Variants in FHIP2A observed in about 807,000 individuals in gnomAD.
The protein encoded by FHIP2A is FHF complex subunit HOOK interacting protein 2A.
FHIP2A carries 46 observed loss-of-function variants against 93.5 expected under a neutral mutation model. The ratio of observed to expected loss-of-function variants is 0.49; its 90% CI spans 0.39 to 0.63. The LOEUF (loss-of-function observed/expected upper bound fraction) is 0.63. Ranked by LOEUF, FHIP2A falls within the 20% of genes least tolerant of loss-of-function variation. The probability of loss-of-function intolerance (pLI) is 0.00; values close to 1 mark genes in which losing one functional copy is unlikely to be tolerated. For missense variants in FHIP2A, 769 were observed against 909.7 expected, an observed-to-expected ratio of 0.85 and a Z score of 1.99; for synonymous variants, 332 against 326.5, an observed-to-expected ratio of 1.02 and a Z score of -0.18.
chr10:114,839,801 G>C (rs1386837368), intron 5 of FHIP2A, among the ~76,000 whole-genome samples: 1 of 147,550 alleles, frequency 6.8e-6, no homozygotes, highest in East Asian at 2.0e-4. Context: ...AGAATTGCTT[G>C]AACCCAGGAG....
chr10:114,833,097 G>A, intron 2 of FHIP2A, 136 bp from the exon 3 acceptor site: 2 of 637,924 alleles, frequency 3.1e-6, no homozygotes, highest in South Asian at 2.1e-5. Context: ...ATCATACTGT[G>A]TTTATAAACC....
intron 3 of FHIP2A, among the ~76,000 whole-genome samples, chr10:114,835,111 A>G (rs914434029): frequency 8.1e-6 from 1 of 123,458 alleles, no homozygotes; most frequent in South Asian, 2.7e-4. Flanking sequence ...TCCTACATAT[A>G]TATGATGGAA....
chr10:114,846,105 T>C lies in FHIP2A; in HGVS notation c.1205+16T>C, dbSNP rs747653989. 3.1e-6 allele frequency: 5 copies of C among 1,613,378 alleles called. No homozygotes were observed. Among genetic ancestry groups the C allele is most frequent in the Non-Finnish European group, 4.2e-6 (5 of 1,179,610 alleles). On this transcript the variant is annotated intron_variant, in intron 9 of 16. Transcript: ENST00000369248. ...TAATGCAAACGTGAGTAGCCTGTTT[T>C]CTTTTGAAAAAAACCGCATCACTGT...
chr10:114,841,468 T>G (rs1173721362), intron 5 of FHIP2A, among the ~76,000 whole-genome samples: 16 of 151,966 alleles, frequency 1.1e-4, no homozygotes, highest in Admixed American at 1.1e-3. Context: ...AATTTTTGTA[T>G]TTTTAGTAGA....
At chr10:114,861,403 A>T (rs777677232) in intron 16 of FHIP2A, 32 bp from the exon 17 acceptor site, 1 of 1,613,828 alleles carries the variant, frequency 6.2e-7, no homozygotes, top group Admixed American at 1.7e-5. Flanking sequence ...TGCTATCTTG[A>T]ATTGATTTAT....
At chr10:114,869,365 C>T (rs1486732105), downstream of FHIP2A, among the ~76,000 whole-genome samples, 3 of 152,110 alleles carry the variant, frequency 2.0e-5, no homozygotes, top group African/African-American at 4.8e-5. Flanking sequence ...TATCCTGTTG[C>T]TCTTATCAAC....
rs2083694637 is a variant in FHIP2A, at chr10:114,845,365, A to G, written c.1014-2A>G. The G allele has an allele frequency of 1.9e-6, 3 of 1,568,558 alleles. No individual in the cohort carries two copies. The highest frequency in any genetic ancestry group is 4.5e-5 in the East Asian group (2 of 44,570). ...ACTTAGCAATTCTTCCTTGTCTTACAGCTTGGACTCATATAGTCATAAAGA... is the reference window on the plus strand; with the variant it reads ...ACTTAGCAATTCTTCCTTGTCTTACGGCTTGGACTCATATAGTCATAAAGA... On this transcript the variant is annotated splice_acceptor_variant, in intron 7 of 16. Transcript: ENST00000369248. LOFTEE classifies it high-confidence loss of function.
In FHIP2A at chr10:114,843,312, A is replaced by T. The variant is rs537542155; in HGVS notation, c.816+86A>T. ...TTTTTTTAATTTTAATTTTTAATTTATTTTTTTTTTTGAGATGGAGTCTTG... is the reference window on the plus strand; with the variant it reads ...TTTTTTTAATTTTAATTTTTAATTTTTTTTTTTTTTTGAGATGGAGTCTTG... On this transcript the variant is annotated intron_variant, in intron 6 of 16. Coordinates refer to ENST00000369248, the MANE Select transcript of FHIP2A (RefSeq NM_020940.4). 281 of 814,366 alleles carry T rather than the reference A, an allele frequency of 3.5e-4. 1 individual carries two copies. The highest frequency in any genetic ancestry group is 1.8e-4 in the African/African-American group (10 of 54,160). 50.4% of individuals were successfully genotyped at this position (814,366 alleles called of 1,614,324 possible).
chr10:114,844,552 A>G (rs776137020), intron 7 of FHIP2A, among the ~76,000 whole-genome samples: 5 of 152,134 alleles, frequency 3.3e-5, no homozygotes, highest in East Asian at 1.9e-4. Flanking sequence ...TTTTCTGTCA[A>G]CATCTATAGG....
At chr10:114,881,245 C>T (rs770323155) in intron 16 of FHIP2A, among the ~76,000 whole-genome samples, 13 of 152,282 alleles carry the variant, frequency 8.5e-5, no homozygotes, top group Non-Finnish European at 1.5e-4. Flanking sequence ...ACAGAAGCTT[C>T]TCAACAAATA....
chr10:114,890,970 G>A (rs936715051), intron 16 of FHIP2A, among the ~76,000 whole-genome samples: 2 of 151,312 alleles, frequency 1.3e-5, no homozygotes, highest in African/African-American at 4.8e-5. Flanking sequence ...CAAGATGGGA[G>A]GATTGCTTGA....
intron 13 of FHIP2A, among the ~76,000 whole-genome samples, chr10:114,850,707 TA>T (rs555710797): frequency 1.3e-5 from 2 of 151,834 alleles, no homozygotes; most frequent in Non-Finnish European, 2.9e-5. Flanking sequence ...CTCCAAAAAA[TA>T]AAAAAAATTC....
intron 16 of FHIP2A, among the ~76,000 whole-genome samples, chr10:114,880,081 T>G (rs2083909359): frequency 6.6e-6 from 1 of 152,202 alleles, no homozygotes; most frequent in Admixed American, 6.5e-5. Context: ...CAATTAGCTC[T>G]TGCTCCAAAC....
intron 13 of FHIP2A, among the ~76,000 whole-genome samples, chr10:114,850,752 T>C (rs2083730104): frequency 6.6e-6 from 1 of 152,134 alleles, no homozygotes; most frequent in Admixed American, 6.5e-5. Context: ...TATTTGTCTT[T>C]TTATTGTTGA....
In FHIP2A at chr10:114,862,217, G is replaced by T. The variant is rs2083804512; in HGVS notation, c.*677G>T. The T allele has an allele frequency of 1.0e-6, 1 of 977,482 alleles. No homozygotes were observed. Among genetic ancestry groups the T allele is most frequent in the Admixed American group, 6.2e-5 (1 of 16,244 alleles). 60.6% of individuals were successfully genotyped at this position (977,482 alleles called of 1,614,324 possible). On this transcript the variant is annotated 3_prime_UTR_variant, in exon 17 of 17. Coordinates refer to ENST00000369248, the MANE Select transcript of FHIP2A (RefSeq NM_020940.4). Reference sequence around the variant, plus strand: ...CTCTTTTGTGCACATAGCCATGTTAGTGATTTTCTTCATGTGTGGGTCCCA... The same window carrying T: ...CTCTTTTGTGCACATAGCCATGTTATTGATTTTCTTCATGTGTGGGTCCCA...
In FHIP2A at chr10:114,864,379, A is replaced by T. The variant is rs2083818123; in HGVS notation, c.*2839A>T. 1.0e-6 allele frequency: 1 copy of T among 985,626 alleles called. No homozygotes were observed. Among genetic ancestry groups the T allele is most frequent in the African/African-American group, 1.7e-5 (1 of 57,252 alleles). 61.1% of individuals were successfully genotyped at this position (985,626 alleles called of 1,614,324 possible). ...GGGTTATGTAGTAAATCAAATATGC[A>T]TGTCATTGTGACACTTTATGTGTTA... On this transcript the variant is annotated 3_prime_UTR_variant, in exon 17 of 17. Coordinates refer to ENST00000369248, the MANE Select transcript of FHIP2A (RefSeq NM_020940.4).
intron 16 of FHIP2A, among the ~76,000 whole-genome samples, chr10:114,879,852 G>A (rs1399588715): frequency 6.6e-5 from 10 of 152,148 alleles, no homozygotes; most frequent in African/African-American, 2.4e-4. Context: ...GACACAGGAG[G>A]CTCTCGCGGT....
chr10:114,878,200 CT>C (rs1237845539), intron 16 of FHIP2A, among the ~76,000 whole-genome samples: 1 of 152,100 alleles, frequency 6.6e-6, no homozygotes, highest in Non-Finnish European at 1.5e-5. Context: ...TTTCTTAGGG[CT>C]TAGAAAAAAT....
intron 16 of FHIP2A, among the ~76,000 whole-genome samples, chr10:114,876,986 C>T (rs958627728): frequency 1.1e-4 from 11 of 102,042 alleles, no homozygotes; most frequent in African/African-American, 4.6e-4. Context: ...GCTCAGCCTT[C>T]CCAGTATTGA....
Sources: gnomAD v4.1 joint callset for allele counts (sites outside exome capture counted in the v4.1 genomes callset) on GRCh38, gnomAD v4.1.1 for gene constraint, MANE v1.5 for transcripts, NCBI Gene and HGNC (gene_info 2026-07-23, HGNC 2026-07-21) for gene names.